PRDM2: variants seen among roughly 807,000 people sequenced by gnomAD.
The protein encoded by PRDM2 is PR/SET domain 2.
Under a neutral mutation model 130.0 loss-of-function variants are expected in PRDM2, and 30 were observed. The observed-to-expected ratio is 0.23, with a 90% confidence interval of 0.17 to 0.31. PRDM2 has a LOEUF of 0.31. Among genes scored for constraint, PRDM2 ranks in the 10% least tolerant of loss-of-function variants. The probability of loss-of-function intolerance (pLI) is 1.00; values close to 1 mark genes in which losing one functional copy is unlikely to be tolerated. For missense variants in PRDM2, 2,011 were observed against 2,108.4 expected, an observed-to-expected ratio of 0.95 and a Z score of 0.90; for synonymous variants, 871 against 782.4, an observed-to-expected ratio of 1.11 and a Z score of -1.89.
At chr1:13,731,174 G>GGCTTCCT in intron 3 of PRDM2, 57 bp downstream of exon 3, 2 of 1,404,266 alleles carry the variant, frequency 1.4e-6, no homozygotes, top group Non-Finnish European at 2.0e-6. Flanking sequence ...GTGGCAGTGA[G>GGCTTCCT]GCTTCCTGCA....
At chr1:13,741,971 TA>T in intron 4 of PRDM2, 33 bp from the exon 5 acceptor site, 1 of 1,500,292 alleles carries the variant, frequency 6.7e-7, no homozygotes, top group Non-Finnish European at 9.2e-7. Flanking sequence ...ACTCCTATTT[TA>T]ACAAAAGTTT....
At chr1:13,732,929 ATTAT>A in intron 4 of PRDM2, 47 bp downstream of exon 4, 2 of 1,250,884 alleles carry the variant, frequency 1.6e-6, no homozygotes, top group Non-Finnish European at 2.3e-6. Flanking sequence ...TTATGAAATA[ATTAT>A]TCTGTTCTCT....
intron 7 of PRDM2, among the ~76,000 whole-genome samples, chr1:13,773,839 T>A (rs1488780109): frequency 6.6e-5 from 10 of 152,360 alleles, no homozygotes; most frequent in Non-Finnish European, 7.3e-5. Context: ...CTCGCTGTTT[T>A]CTATTATTCA....
chr1:13,786,650 C>A (rs2100692871), intron 8 of PRDM2: 2 of 1,551,034 alleles, frequency 1.3e-6, no homozygotes, highest in Non-Finnish European at 1.7e-6. Flanking sequence ...GAAGCTGACT[C>A]AAAAATCCTA....
chr1:13,742,212 T>C, intron 5 of PRDM2, 55 bp downstream of exon 5: 1 of 1,565,246 alleles, frequency 6.4e-7, no homozygotes, highest in Non-Finnish European at 8.8e-7. Context: ...TTTTCCTTTT[T>C]CTTTTTTTGA....
chr1:13,718,288 TTATGATGGG>T (rs1642610540), intron 2 of PRDM2, among the ~76,000 whole-genome samples: 1 of 152,224 alleles, frequency 6.6e-6, no homozygotes, highest in South Asian at 2.1e-4. Context: ...GTTCTGTTTC[TTATGATGGG>T]TATGGTCTCA....
At chr1:13,793,695 T>C (rs1422193038) in intron 8 of PRDM2, among the ~76,000 whole-genome samples, 1 of 152,212 alleles carries the variant, frequency 6.6e-6, no homozygotes, top group Non-Finnish European at 1.5e-5. Context: ...GCGGAGCAAT[T>C]GAGTCCCGGC....
chr1:13,749,262 C>A, intron 5 of PRDM2, 99 bp from the exon 6 acceptor site: 1 of 1,144,602 alleles, frequency 8.7e-7, no homozygotes. Flanking sequence ...CAGCTGTTTG[C>A]CATCGGCGCC....
chr1:13,801,381 T>C lies in PRDM2; in HGVS notation c.5037-15046T>C, dbSNP rs143828932. ...GGCTATCAGATAACTAAGGGAAATA[T>C]GTTTGGGGTAGATGACAACCTGTCT... On this transcript the variant is annotated intron_variant, in intron 8 of 9. Transcript: ENST00000311066. Among the ~76,000 whole-genome samples, 619 of 152,284 alleles carry C rather than the reference T, an allele frequency of 4.1e-3. 2 individuals are homozygous for C. Among genetic ancestry groups the C allele is most frequent in the Non-Finnish European group, 6.9e-3 (468 of 68,032 alleles).
At chr1:13,749,332 C>G (rs1241150222) in intron 5 of PRDM2, 29 bp from the exon 6 acceptor site, 1 of 1,457,292 alleles carries the variant, frequency 6.9e-7, no homozygotes, top group African/African-American at 1.5e-5. Flanking sequence ...CTCTGATTGG[C>G]CCGGCGCTTG....
rs1644359697 is a variant in PRDM2, at chr1:13,771,519, C to T, written c.512-1559C>T. ...GGCCGAGGCAGGCGGATCATGAGGT[C>T]AGGAGATCGAGACCATCCTGGCTAA... is the stretch of plus-strand genomic sequence containing the variant. On this transcript the variant is annotated intron_variant, in intron 6 of 9. Coordinates refer to ENST00000311066, the MANE Select transcript of PRDM2 (RefSeq NM_001393986.1). The surrounding 1 kb of genome is among the most constrained non-coding windows in gnomAD (Gnocchi z 4.1). Among the ~76,000 whole-genome samples the T allele has an allele frequency of 1.3e-5, 2 of 152,210 alleles. No individual in the cohort carries two copies. The highest frequency in any genetic ancestry group is 4.1e-4 in the South Asian group (2 of 4,832).
Position 13,782,255 on chromosome 1 carries a change from A to G in PRDM2, c.4460A>G (p.Lys1487Arg). ...CCCAAAAAACCCCTTTCTCCTCCCA[A>G]AAAAAAAGTTTCTCATTCATCTAAG... ...SCPKKPLSPP[K>R]KKVSHSSKKG... The change falls in exon 8 of 10, where the codon AAA becomes AGA. Residue 1487 changes from lysine to arginine, a missense_variant. Coordinates refer to ENST00000311066, the MANE Select transcript of PRDM2 (RefSeq NM_001393986.1). 6.2e-7 allele frequency: 1 copy of G among 1,613,198 alleles called. No individual in the cohort carries two copies. The highest frequency in any genetic ancestry group is 8.5e-7 in the Non-Finnish European group (1 of 1,179,768).
chr1:13,798,871 T>A (rs539195935), intron 8 of PRDM2, among the ~76,000 whole-genome samples: 25 of 152,284 alleles, frequency 1.6e-4, no homozygotes, highest in Middle Eastern at 3.4e-3. Context: ...ATGAATCATC[T>A]TCTTAGGGTT....
In PRDM2 at chr1:13,782,398, A is replaced by G; in HGVS notation, c.4603A>G (p.Arg1535Gly). The change falls in exon 8 of 10, where the codon AGA (arginine) becomes GGA (glycine). Residue 1535 changes from arginine (R) to glycine (G), a missense_variant. This residue lies in a region of PRDM2 where 410 missense variants were observed against 395.9 expected (regional missense o/e 1.04). Coordinates refer to ENST00000311066, the MANE Select transcript of PRDM2 (RefSeq NM_001393986.1). Reference sequence around the variant, plus strand: ...CATGCAGACTCCGTTGGGCAAGACCAGAGCCCGCAGCTCAGGCCCCACCCA... The same window carrying G: ...CATGCAGACTCCGTTGGGCAAGACCGGAGCCCGCAGCTCAGGCCCCACCCA... ...QSMQTPLGKTRARSSGPTQVP... is the reference protein window; with the variant it reads ...QSMQTPLGKTGARSSGPTQVP... The G allele has an allele frequency of 1.2e-6, 2 of 1,614,022 alleles. No homozygotes were observed. Among genetic ancestry groups the G allele is most frequent in the Non-Finnish European group, 1.7e-6 (2 of 1,180,024 alleles).
intron 6 of PRDM2, among the ~76,000 whole-genome samples, chr1:13,770,104 G>C (rs1486952785): frequency 6.6e-6 from 1 of 152,118 alleles, no homozygotes; most frequent in Non-Finnish European, 1.5e-5. Flanking sequence ...CCCCTCCTTA[G>C]TCCTCTGATA....
chr1:13,735,489 T>C (rs1200388210), intron 4 of PRDM2, among the ~76,000 whole-genome samples: 1 of 152,258 alleles, frequency 6.6e-6, no homozygotes, highest in East Asian at 1.9e-4. Flanking sequence ...AACAGAACTT[T>C]AGAATTGCTT....
At position 13,703,493 on chromosome 1, in the gene PRDM2, A is replaced by G. The variant is rs187644276; in HGVS notation, c.-66+3193A>G. On this transcript the variant is annotated intron_variant, in intron 1 of 9. Coordinates refer to ENST00000311066, the MANE Select transcript of PRDM2 (RefSeq NM_001393986.1). ...AGATGGTTTACACCTTGAAGCCAAG[A>G]AGTGGACTTCAGGTCTGTCCACGTT... Among the ~76,000 whole-genome samples, 9 of 152,368 alleles carry G rather than the reference A, an allele frequency of 5.9e-5. No homozygotes were observed. The South Asian group carries it at 1.2e-3, about 21-fold the overall frequency.
At chr1:13,751,778 C>G (rs1020251702) in intron 6 of PRDM2, among the ~76,000 whole-genome samples, 2 of 152,172 alleles carry the variant, frequency 1.3e-5, no homozygotes, top group African/African-American at 2.4e-5. Context: ...CTTCATAGTT[C>G]TGGACCTCAG....
intron 4 of PRDM2, among the ~76,000 whole-genome samples, chr1:13,736,140 G>T (rs1400105030): frequency 3.4e-5 from 5 of 147,270 alleles, no homozygotes; most frequent in Admixed American, 2.7e-4. Context: ...TTGAGACAAG[G>T]TCTTGCTCTG....
Sources: gnomAD v4.1 joint callset for allele counts (sites outside exome capture counted in the v4.1 genomes callset) on GRCh38, gnomAD v4.1.1 for gene constraint, gnomAD v4.1.1 regional missense constraint, Gnocchi (gnomAD v3.1) non-coding constraint, MANE v1.5 for transcripts, NCBI Gene and HGNC (gene_info 2026-07-23, HGNC 2026-07-21) for gene names.